The following DDAH1 variants were observed in gnomAD, a reference collection of about 807,000 sequenced individuals.
The protein encoded by DDAH1 is N(G),N(G)-dimethylarginine dimethylaminohydrolase 1.
Under a neutral mutation model 28.8 loss-of-function variants are expected in DDAH1, and 19 were observed. The observed-to-expected ratio is 0.66, with a 90% CI of 0.46 to 0.97. The LOEUF is 0.97. DDAH1 is among the 50% of genes least tolerant of loss of function. The pLI is 0.00. For missense variants in DDAH1, 326 were observed against 375.9 expected, an observed-to-expected ratio of 0.87 and a Z score of 1.10; for synonymous variants, 153 against 154.4, an observed-to-expected ratio of 0.99 and a Z score of 0.07.
intron 1 of DDAH1, among the ~76,000 whole-genome samples, chr1:85,451,456 G>A (rs1166523992): frequency 2.0e-5 from 3 of 152,162 alleles, no homozygotes; most frequent in Non-Finnish European, 4.4e-5. Context: ...CAATGCTATA[G>A]GGTAGTCAAA....
intron 1 of DDAH1, among the ~76,000 whole-genome samples, chr1:85,411,395 G>C (rs918993869): frequency 6.6e-6 from 1 of 152,176 alleles, no homozygotes; most frequent in African/African-American, 2.4e-5. Flanking sequence ...CAATTAGAAA[G>C]GTAACAGGCC....
At chr1:85,521,187 A>C (rs1327403442) in intron 1 of DDAH1, among the ~76,000 whole-genome samples, 2 of 151,922 alleles carry the variant, frequency 1.3e-5, no homozygotes, top group Non-Finnish European at 2.9e-5. Flanking sequence ...GTTTGAGTGC[A>C]AGACTCAACC....
chr1:85,366,128 T>C (rs1650065132), intron 1 of DDAH1, among the ~76,000 whole-genome samples: 1 of 150,370 alleles, frequency 6.7e-6, no homozygotes, highest in African/African-American at 2.4e-5. Context: ...AACCAACAAA[T>C]CAAATGGGAG....
At chr1:85,337,919 C>G (rs1231322608) in intron 4 of DDAH1, among the ~76,000 whole-genome samples, 1 of 152,212 alleles carries the variant, frequency 6.6e-6, no homozygotes, top group Non-Finnish European at 1.5e-5. Flanking sequence ...TTTGCATTAT[C>G]CTTCTGTGCA....
chr1:85,464,395 G>T lies in DDAH1; in HGVS notation c.303+348C>A. The T allele has an allele frequency of 8.7e-7, 1 of 1,154,996 alleles. No homozygotes were observed. The highest frequency in any genetic ancestry group is 1.2e-6 in the Non-Finnish European group (1 of 850,696). 71.5% of individuals were successfully genotyped at this position (1,154,996 alleles called of 1,614,324 possible). ...CCCTACCGGAGCGGCACCCCTCGCG[G>T]CCCTCGCTCCCTGGGAAACACTCAG... On this transcript the variant is annotated intron_variant, in intron 1 of 5. Transcript: ENST00000284031. The surrounding 1 kb of genome is among the most constrained non-coding windows in gnomAD (Gnocchi z 4.4).
At chr1:85,329,836 G>GA (rs1283068937) in intron 4 of DDAH1, among the ~76,000 whole-genome samples, 2 of 152,118 alleles carry the variant, frequency 1.3e-5, no homozygotes, top group East Asian at 1.9e-4. Context: ...CTGCTTAACT[G>GA]AAAAAAATTA....
intron 2 of DDAH1, chr1:85,495,176 T>TTA (rs1656545507): frequency 6.9e-6 from 1 of 145,594 alleles, no homozygotes; most frequent in East Asian, 2.1e-4. Context: ...TTTTTTTTTT[T>TTA]ACTGTCTATC....
intron 1 of DDAH1, among the ~76,000 whole-genome samples, chr1:85,569,884 G>C (rs1329837501): frequency 1.3e-5 from 2 of 152,186 alleles, no homozygotes; most frequent in African/African-American, 4.8e-5. Context: ...CCACAACCTA[G>C]TCTTGCTAAG....
At chr1:85,339,865 T>C (rs1305014413) in intron 4 of DDAH1, among the ~76,000 whole-genome samples, 1 of 152,170 alleles carries the variant, frequency 6.6e-6, no homozygotes, top group Non-Finnish European at 1.5e-5. Flanking sequence ...ACTGACAACG[T>C]TTCCTAATCC....
At chr1:85,435,386 A>AGTT (rs1385077850) in intron 1 of DDAH1, 3 of 152,332 alleles carry the variant, frequency 2.0e-5, no homozygotes, top group African/African-American at 7.2e-5. Flanking sequence ...CTTTTCCAAC[A>AGTT]GTTATTCTTT....
At chr1:85,341,132 C>T (rs1052866536) in intron 4 of DDAH1, among the ~76,000 whole-genome samples, 4 of 152,204 alleles carry the variant, frequency 2.6e-5, no homozygotes, top group Non-Finnish European at 5.9e-5. Flanking sequence ...TTTTAATGTT[C>T]TCTCTTGTTT....
intron 1 of DDAH1, among the ~76,000 whole-genome samples, chr1:85,508,248 T>C (rs1479339332): frequency 6.6e-6 from 1 of 152,182 alleles, no homozygotes; most frequent in Non-Finnish European, 1.5e-5. Flanking sequence ...ATTAGTAAAT[T>C]TCAAATATTA....
intron 1 of DDAH1, among the ~76,000 whole-genome samples, chr1:85,423,908 G>A (rs1300759286): frequency 1.3e-5 from 2 of 152,136 alleles, no homozygotes; most frequent in African/African-American, 4.8e-5. Context: ...TTAAGTATGT[G>A]TTGCGATTTT....
intron 1 of DDAH1, among the ~76,000 whole-genome samples, chr1:85,560,923 T>C (rs1659121644): frequency 6.6e-6 from 1 of 152,124 alleles, no homozygotes; most frequent in African/African-American, 2.4e-5. Flanking sequence ...TTAATGAGCA[T>C]CTTTAACACA....
At chr1:85,451,003 C>T (rs1349213318) in intron 1 of DDAH1, among the ~76,000 whole-genome samples, 1 of 152,170 alleles carries the variant, frequency 6.6e-6, no homozygotes, top group Non-Finnish European at 1.5e-5. Flanking sequence ...CTCCTAAAAC[C>T]ATGAGCTGGA....
rs143454883 is a variant in DDAH1, at chr1:85,557,127, G to A, written c.-123+20857C>T. On this transcript the variant is annotated intron_variant, in intron 1 of 6. Transcript: ENST00000426972. ...GCGAGACTCTGTCTCAAAAGAAATA[G>A]AAAAGAAAAGAATAAAAGCTTCCTC... 1.3e-3 allele frequency among the ~76,000 whole-genome samples: 201 copies of A among 152,154 alleles called. 2 individuals are homozygous for A. The highest frequency in any genetic ancestry group is 0.01 in the Middle Eastern group (3 of 292).
At chr1:85,420,534 T>C (rs1557608156) in intron 1 of DDAH1, among the ~76,000 whole-genome samples, 1 of 152,202 alleles carries the variant, frequency 6.6e-6, no homozygotes, top group Non-Finnish European at 1.5e-5. Context: ...CATAGATCCC[T>C]AGGGCACGGA....
At chr1:85,443,340 T>C (rs1490387940) in intron 1 of DDAH1, among the ~76,000 whole-genome samples, 1 of 152,198 alleles carries the variant, frequency 6.6e-6, no homozygotes, top group Non-Finnish European at 1.5e-5. Context: ...TGGTTGTAGA[T>C]GTGTGGTATT....
At position 85,465,063 on chromosome 1, in the gene DDAH1, GGGCGGCGGC is replaced by G; in HGVS notation, c.-27_-19del. 1.6e-6 allele frequency: 2 copies of G among 1,232,522 alleles called. No individual in the cohort carries two copies. The highest frequency in any genetic ancestry group is 7.8e-5 in the South Asian group (2 of 25,670). The allele number at this position is 1,232,522 out of a possible 1,614,324, so 76.3% of individuals were successfully genotyped here. On this transcript the variant is annotated 5_prime_UTR_variant, in exon 1 of 6. Transcript: ENST00000284031. ...CCGGCCATGGCTTCGGGAGGCTTAG[GGGCGGCGGC>G]GGCGGCGGAGGCGGCCGGGTCCTGC...
Sources: allele counts gnomAD v4.1 joint callset (sites outside exome capture counted in the v4.1 genomes callset), GRCh38; gene constraint gnomAD v4.1.1; non-coding constraint Gnocchi (gnomAD v3.1); transcripts MANE v1.5; gene names NCBI Gene and HGNC (gene_info 2026-07-23, HGNC 2026-07-21).